The following BCLAF3 variants were observed in gnomAD, a reference collection of about 807,000 sequenced individuals.
BCLAF3 encodes the protein transient octamer binding factor 1.
In BCLAF3, 24 loss-of-function variants were observed where a neutral mutation model predicts 51.2. The observed-to-expected ratio is 0.47, with a 90% confidence interval of 0.34 to 0.66. BCLAF3 has a LOEUF of 0.66. BCLAF3 is among the 30% of genes least tolerant of loss of function. BCLAF3 has a pLI of 0.01. For missense variants in BCLAF3, 465 were observed against 525.1 expected (o/e 0.89, Z 1.12); for synonymous variants, 152 against 176.6 (o/e 0.86, Z 1.10).
chrX:19,965,834 G>A (rs2072032844), intron 3 of BCLAF3, 128 bp from the exon 4 acceptor site: 2 of 725,903 alleles, frequency 2.8e-6, no homozygotes, highest in Non-Finnish European at 3.9e-6. Flanking sequence ...AACCCTTTAA[G>A]CCAATTCTAT....
chrX:19,950,049 C>T (rs971919059), intron 8 of BCLAF3, among the ~76,000 whole-genome samples: 3 of 111,571 alleles, frequency 2.7e-5, no homozygotes, highest in Admixed American at 9.6e-5. Context: ...GATCTATTTG[C>T]CATATATGAC....
intron 4 of BCLAF3, among the ~76,000 whole-genome samples, chrX:19,958,205 T>C (rs2071730879): frequency 8.9e-6 from 1 of 112,215 alleles, no homozygotes; most frequent in East Asian, 2.8e-4. Flanking sequence ...TCCACTGATG[T>C]TCTCCCTGAG....
chrX:19,956,819 G>C (rs1470558842), intron 4 of BCLAF3, among the ~76,000 whole-genome samples: 1 of 111,484 alleles, frequency 9.0e-6, no homozygotes, highest in Non-Finnish European at 1.9e-5. Context: ...CCTGAAGTAT[G>C]TTTTAAATAA....
At chrX:19,989,421 A>C (rs1603342809) in intron 1 of BCLAF3, among the ~76,000 whole-genome samples, 1 of 111,749 alleles carries the variant, frequency 8.9e-6, no homozygotes, top group African/African-American at 3.3e-5. Context: ...ACTTGAACCC[A>C]GGAGGTGGAG....
In BCLAF3 at chrX:19,930,038, C is replaced by T. The variant is rs759287915; in HGVS notation, c.1951-98G>A. Reference sequence around the variant, plus strand: ...GTGGGTGGTTGGGTGCAGTAGCTCACGCCTGTAATCCCAGCACTTTGGGAG... The same window carrying T: ...GTGGGTGGTTGGGTGCAGTAGCTCATGCCTGTAATCCCAGCACTTTGGGAG... On this transcript the variant is annotated intron_variant, in intron 10 of 11. Transcript: ENST00000379682. The T allele has an allele frequency of 2.0e-4, 165 of 829,526 alleles. No individual in the cohort carries two copies. The African/African-American group carries it at 3.0e-3, about 15-fold the overall frequency. 68.4% of individuals were successfully genotyped at this position (829,526 alleles called of 1,213,427 possible).
chrX:19,971,553 A>C (rs1034255496), intron 1 of BCLAF3, among the ~76,000 whole-genome samples: 3 of 112,821 alleles, frequency 2.7e-5, no homozygotes, highest in Non-Finnish European at 5.6e-5. Flanking sequence ...TTTTTCAAAT[A>C]TTCTTCAGTC....
Position 19,937,529 on chromosome X carries a change from A to G in BCLAF3, c.1749T>C (p.Asp583=), listed in dbSNP as rs535059458. ...IFHIASAAER[D]DQNSSFSKVK... is the part of the protein sequence containing the mutation. ...CCTTTGAAAAACTGGAATTCTGATCATCCCTAATAAGGAAACAGAGAAAAT... is the reference window on the plus strand; with the variant it reads ...CCTTTGAAAAACTGGAATTCTGATCGTCCCTAATAAGGAAACAGAGAAAAT... Residue 583 remains aspartate, a synonymous_variant, in exon 9 of 12, where the codon GAT becomes GAC. Coordinates refer to ENST00000379682, the MANE Select transcript of BCLAF3 (RefSeq NM_001367774.2). The G allele has an allele frequency of 2.1e-5, 21 of 997,592 alleles. No individual in the cohort carries two copies. Among genetic ancestry groups the G allele is most frequent in the Non-Finnish European group, 2.2e-5 (16 of 721,834 alleles). The allele number at this position is 997,592 out of a possible 1,213,427, so 82.2% of individuals were successfully genotyped here. A position where few individuals can be genotyped will look rare whatever the true frequency, so the allele number is the denominator to read the frequency against.
chrX:19,979,469 C>G (rs1444722744), intron 1 of BCLAF3, among the ~76,000 whole-genome samples: 1 of 110,792 alleles, frequency 9.0e-6, no homozygotes, highest in East Asian at 2.8e-4. Context: ...TTTTGCACAC[C>G]TAACAAACTG....
At chrX:19,981,529 CCCA>C (rs2072611295) in intron 1 of BCLAF3, among the ~76,000 whole-genome samples, 1 of 111,752 alleles carries the variant, frequency 8.9e-6, no homozygotes, top group Admixed American at 9.5e-5. Flanking sequence ...TGGCAGTTCC[CCCA>C]CAAGTTAAAC....
intron 9 of BCLAF3, among the ~76,000 whole-genome samples, chrX:19,936,548 CT>C (rs1389818700): frequency 1.8e-5 from 2 of 111,735 alleles, no homozygotes; most frequent in Non-Finnish European, 3.8e-5. Context: ...GAGGACTGTA[CT>C]AGGCAACTGC....
intron 1 of BCLAF3, among the ~76,000 whole-genome samples, chrX:19,975,504 C>T (rs1445244470): frequency 7.2e-5 from 8 of 110,502 alleles, no homozygotes; most frequent in Non-Finnish European, 1.1e-4. Flanking sequence ...CCACCACACC[C>T]GACTAATCTT....
intron 11 of BCLAF3, among the ~76,000 whole-genome samples, chrX:19,921,776 G>A (rs1031262197): frequency 1.5e-4 from 16 of 110,056 alleles, no homozygotes; most frequent in African/African-American, 5.3e-4. Context: ...GTCAAGACAG[G>A]CAGATCACCT....
At chrX:19,932,992 A>G (rs1420459703) in intron 10 of BCLAF3, among the ~76,000 whole-genome samples, 4 of 112,215 alleles carry the variant, frequency 3.6e-5, no homozygotes, top group African/African-American at 9.7e-5. Context: ...TTTAAACACT[A>G]TTTGTTTCCT....
chrX:19,944,833 T>C (rs2071198882), intron 8 of BCLAF3, among the ~76,000 whole-genome samples: 1 of 89,802 alleles, frequency 1.1e-5, no homozygotes, highest in East Asian at 3.2e-4. Flanking sequence ...CCTTGCTAGA[T>C]TGGGGAAGTT....
intron 8 of BCLAF3, among the ~76,000 whole-genome samples, chrX:19,938,909 T>G (rs183950572): frequency 4.4e-4 from 49 of 112,596 alleles, no homozygotes; most frequent in African/African-American, 1.5e-3. Flanking sequence ...TTTTTAGGTC[T>G]TAACACCTAT....
At chrX:19,982,155 G>A (rs1268703423) in intron 1 of BCLAF3, among the ~76,000 whole-genome samples, 1 of 111,635 alleles carries the variant, frequency 9.0e-6, no homozygotes, top group African/African-American at 3.3e-5. Context: ...CAACAAAGAA[G>A]CCTCAGGCTG....
At chrX:19,983,544 C>T (rs917107264) in intron 1 of BCLAF3, among the ~76,000 whole-genome samples, 13 of 108,441 alleles carry the variant, frequency 1.2e-4, no homozygotes, top group Admixed American at 2.0e-4. Context: ...AACCCCGTCT[C>T]CACTAAAAAT....
In BCLAF3 at chrX:19,914,804, A is replaced by G. The variant is rs1437232080; in HGVS notation, c.*2501T>C. 3 of 112,074 alleles carry G rather than the reference A, an allele frequency of 2.7e-5. No homozygotes were observed. Among genetic ancestry groups the G allele is most frequent in the African/African-American group, 9.7e-5 (3 of 30,879 alleles). 9.2% of individuals were successfully genotyped at this position (112,074 alleles called of 1,213,427 possible). A position where few individuals can be genotyped will look rare whatever the true frequency, so the allele number is the denominator to read the frequency against. ...CCCCAATGCATCAATTTTTAAAACCAGTAAAACCACCAACAGAATAGTGCC... is the reference window on the plus strand; with the variant it reads ...CCCCAATGCATCAATTTTTAAAACCGGTAAAACCACCAACAGAATAGTGCC... On this transcript the variant is annotated 3_prime_UTR_variant, in exon 12 of 12. Coordinates refer to ENST00000379682, the MANE Select transcript of BCLAF3 (RefSeq NM_001367774.2).
intron 11 of BCLAF3, among the ~76,000 whole-genome samples, chrX:19,918,532 GC>G (rs2070006113): frequency 1.1e-5 from 1 of 89,916 alleles, no homozygotes; most frequent in African/African-American, 4.2e-5. Context: ...CCCCAACCCG[GC>G]CTTTTTTTTT....
Sources: gnomAD v4.1 joint callset for allele counts (sites outside exome capture counted in the v4.1 genomes callset) on GRCh38, gnomAD v4.1.1 for gene constraint, MANE v1.5 for transcripts, NCBI Gene and HGNC (gene_info 2026-07-23, HGNC 2026-07-21) for gene names.